MARCKSL1: variants seen among roughly 807,000 people sequenced by gnomAD.
MARCKSL1 encodes the protein MARCKS like 1, also known as MARCKS-related protein.
A neutral mutation model predicts 13.3 loss-of-function variants in MARCKSL1; 5 were observed. The observed-to-expected ratio is 0.38, with a 90% CI of 0.20 to 0.79. The LOEUF (loss-of-function observed/expected upper bound fraction) is 0.79. MARCKSL1 is among the 30% of genes least tolerant of loss of function. The pLI is 0.45. For synonymous variants in MARCKSL1, 126 were observed against 103.2 expected (o/e 1.22, Z -1.34); for missense variants, 274 against 251.6 (o/e 1.09, Z -0.60).
Position 32,334,406 on chromosome 1 carries a change from AGAG to A in MARCKSL1, c.*188_*190del. ...AAGGGACCATCTTCAACTGGCCTTA[AGAG>A]GAGAACCAGATGGCTGATGGGAGAA... On this transcript the variant is annotated 3_prime_UTR_variant, in exon 2 of 2. Coordinates refer to ENST00000329421, the MANE Select transcript of MARCKSL1 (RefSeq NM_023009.7). The A allele has an allele frequency of 1.0e-5, 6 of 574,918 alleles. No homozygotes were observed. The highest frequency in any genetic ancestry group is 1.7e-5 in the Non-Finnish European group (6 of 357,008). 35.6% of individuals were successfully genotyped at this position (574,918 alleles called of 1,614,324 possible).
At position 32,335,247 on chromosome 1, in the gene MARCKSL1, A is replaced by G; in HGVS notation, c.88-150T>C. On this transcript the variant is annotated intron_variant, in intron 1 of 1. Coordinates refer to ENST00000329421, the MANE Select transcript of MARCKSL1 (RefSeq NM_023009.7). This position sits in a 1 kb window ranked among gnomAD's most constrained non-coding sequence, Gnocchi z 4.1. Reference sequence around the variant, plus strand: ...TCACCCACACCCAGGATCCCGTCAAACACCTCCCTCTCGCCCCTCACGGGC... The same window carrying G: ...TCACCCACACCCAGGATCCCGTCAAGCACCTCCCTCTCGCCCCTCACGGGC... 1 of 904,344 alleles carries G rather than the reference A, an allele frequency of 1.1e-6. No individual in the cohort carries two copies. Among genetic ancestry groups the G allele is most frequent in the Non-Finnish European group, 1.5e-6 (1 of 674,380 alleles). 56.0% of individuals were successfully genotyped at this position (904,344 alleles called of 1,614,324 possible).
Position 32,334,457 on chromosome 1 carries a change from A to G in MARCKSL1, c.*140T>C. 1 of 1,016,216 alleles carries G rather than the reference A, an allele frequency of 9.8e-7. No homozygotes were observed. The allele number at this position is 1,016,216 out of a possible 1,614,324, so 62.9% of individuals were successfully genotyped here. On this transcript the variant is annotated 3_prime_UTR_variant, in exon 2 of 2. Coordinates refer to ENST00000329421, the MANE Select transcript of MARCKSL1 (RefSeq NM_023009.7). ...GAATCCACAGGAGGGAGAGGAGGAAAGGGAACGTGGCTGGGAGGAGGCAAT... is the reference window on the plus strand; with the variant it reads ...GAATCCACAGGAGGGAGAGGAGGAAGGGGAACGTGGCTGGGAGGAGGCAAT...
In MARCKSL1 at chr1:32,335,910, A is replaced by G. The variant is rs773218790; in HGVS notation, c.87+37T>C. On this transcript the variant is annotated intron_variant, in intron 1 of 1. Transcript: ENST00000329421. The surrounding 1 kb of genome is among the most constrained non-coding windows in gnomAD (Gnocchi z 4.1). ...GGCCCTAGAAGGGGCGAGGTGCGAGAGGAGGGGCTGGGGCCGGCCGGGCCA... is the reference window on the plus strand; with the variant it reads ...GGCCCTAGAAGGGGCGAGGTGCGAGGGGAGGGGCTGGGGCCGGCCGGGCCA... 8.2e-7 allele frequency: 1 copy of G among 1,225,516 alleles called. No homozygotes were observed. The highest frequency in any genetic ancestry group is 1.0e-6 in the Non-Finnish European group (1 of 962,566). The allele number at this position is 1,225,516 out of a possible 1,614,324, so 75.9% of individuals were successfully genotyped here.
chr1:32,333,912 GAAAAA>G lies in MARCKSL1; in HGVS notation c.*680_*684del, dbSNP rs113450741. On this transcript the variant is annotated 3_prime_UTR_variant, in exon 2 of 2. Transcript: ENST00000329421. ...TGGAAGAGAATGGTTTTAGCAGTTA[GAAAAA>G]AAAAAAAAGTACAAATCTGGGGTTT... The G allele has an allele frequency of 2.2e-5, 3 of 134,718 alleles. No individual in the cohort carries two copies. Among genetic ancestry groups the G allele is most frequent in the African/African-American group, 8.2e-5 (3 of 36,508 alleles). 8.3% of individuals were successfully genotyped at this position (134,718 alleles called of 1,614,324 possible).
Position 32,336,137 on chromosome 1 carries a change from G to C in MARCKSL1, c.-104C>G, listed in dbSNP as rs1437618451. 1 of 404,496 alleles carries C rather than the reference G, an allele frequency of 2.5e-6. No individual in the cohort carries two copies. The highest frequency in any genetic ancestry group is 4.1e-5 in the East Asian group (1 of 24,350). The allele number at this position is 404,496 out of a possible 1,614,324, so 25.1% of individuals were successfully genotyped here. On this transcript the variant is annotated 5_prime_UTR_variant, in exon 1 of 2. Transcript: ENST00000329421. ...CGGCGGAGGGGTGGGGCTGGCGCCC[G>C]AGGGGGAGGGGTGCCGGGGGAAGCC...
Position 32,334,639 on chromosome 1 carries a change from C to G in MARCKSL1, c.546G>C (p.Pro182=). ...QATEPSTPSG[P]ESGPTPASAE... is the part of the protein sequence containing the mutation. ...CGCTGGCTGGTGTAGGGCCACTCTC[C>G]GGCCCCGAGGGAGTGGATGGCTCTG... Residue 182 remains proline, a synonymous_variant, in exon 2 of 2, where the codon CCG becomes CCC. Coordinates refer to ENST00000329421, the MANE Select transcript of MARCKSL1 (RefSeq NM_023009.7). The G allele has an allele frequency of 1.3e-6, 2 of 1,596,556 alleles. No individual in the cohort carries two copies. Among genetic ancestry groups the G allele is most frequent in the South Asian group, 1.1e-5 (1 of 88,944 alleles).
Position 32,335,249 on chromosome 1 carries a change from A to C in MARCKSL1, c.88-152T>G, listed in dbSNP as rs1570049167. ...ACCCACACCCAGGATCCCGTCAAAC[A>C]CCTCCCTCTCGCCCCTCACGGGCGC... On this transcript the variant is annotated intron_variant, in intron 1 of 1. Transcript: ENST00000329421. The surrounding 1 kb of genome is among the most constrained non-coding windows in gnomAD (Gnocchi z 4.1). The C allele has an allele frequency of 1.0e-5, 9 of 881,738 alleles. No individual in the cohort carries two copies. The highest frequency in any genetic ancestry group is 4.3e-5 in the South Asian group (1 of 23,014). 54.6% of individuals were successfully genotyped at this position (881,738 alleles called of 1,614,324 possible). A position where few individuals can be genotyped will look rare whatever the true frequency, so the allele number is the denominator to read the frequency against.
chr1:32,334,894 A>C lies in MARCKSL1; in HGVS notation c.291T>G (p.Pro97=), dbSNP rs1641359144. 6.2e-7 allele frequency: 1 copy of C among 1,612,288 alleles called. No homozygotes were observed. The highest frequency in any genetic ancestry group is 1.7e-5 in the Admixed American group (1 of 59,978). ...KKKKKFSFKK[P]FKLSGLSFKR... ...TGAAGGACAGGCCGCTCAATTTGAA[A>C]GGCTTCTTGAAAGAGAATTTCTTCT... Residue 97 remains proline, a synonymous_variant, in exon 2 of 2, where the codon CCT becomes CCG. Coordinates refer to ENST00000329421, the MANE Select transcript of MARCKSL1 (RefSeq NM_023009.7).
Position 32,336,204 on chromosome 1 carries a change from C to A in MARCKSL1, c.-171G>T, listed in dbSNP as rs1348304296. ...CCGCGGCCGACCCGCTAGCTGCGCC[C>A]GCCGCCGCTCCGCTCCGCGCCAGAA... is the stretch of plus-strand genomic sequence containing the variant. On this transcript the variant is annotated 5_prime_UTR_variant, in exon 1 of 2. Transcript: ENST00000329421. 3.0e-6 allele frequency: 1 copy of A among 335,338 alleles called. No individual in the cohort carries two copies. Among genetic ancestry groups the A allele is most frequent in the Non-Finnish European group, 5.4e-6 (1 of 185,576 alleles). The allele number at this position is 335,338 out of a possible 1,614,324, so 20.8% of individuals were successfully genotyped here.
chr1:32,334,967 C>A lies in MARCKSL1; in HGVS notation c.218G>T (p.Gly73Val). 6.2e-7 allele frequency: 1 copy of A among 1,612,604 alleles called. No individual in the cohort carries two copies. The highest frequency in any genetic ancestry group is 8.5e-7 in the Non-Finnish European group (1 of 1,179,626). The change falls in exon 2 of 2, where the codon GGT becomes GTT. Residue 73 changes from glycine (G) to valine (V), a missense_variant. By Grantham distance (109) the Gly-to-Val change is moderately radical. Coordinates refer to ENST00000329421, the MANE Select transcript of MARCKSL1 (RefSeq NM_023009.7). ...DAIEPAPPSQ[G>V]AEAKGEVPPK... ...GGGGACCTCCCCCTTGGCCTCAGCACCCTGGCTAGGGGGTGCTGGCTCGAT... is the reference window on the plus strand; with the variant it reads ...GGGGACCTCCCCCTTGGCCTCAGCAACCTGGCTAGGGGGTGCTGGCTCGAT...
rs1327010218 is a variant in MARCKSL1 at position 32,335,017 on chromosome 1, C to G, written c.168G>C (p.Glu56Asp). The stretch of plus-strand genomic sequence containing the variant: ...TGGCATCGCCAGTGGCCCCGGCTGC[C>G]TCATCTGTTCCGTTCACAGGGGGCG... ...GESPPVNGTD[E>D]AAGATGDAIE... The change falls in exon 2 of 2, where the codon GAG becomes GAC. Residue 56 changes from glutamate (E) to aspartate (D), a missense_variant. By Grantham distance (45) the Glu-to-Asp change is conservative. Coordinates refer to ENST00000329421, the MANE Select transcript of MARCKSL1 (RefSeq NM_023009.7). The surrounding 1 kb of genome is among the most constrained non-coding windows in gnomAD (Gnocchi z 4.1). 6.3e-7 allele frequency: 1 copy of G among 1,593,852 alleles called. No homozygotes were observed. Among genetic ancestry groups the G allele is most frequent in the Non-Finnish European group, 8.5e-7 (1 of 1,170,752 alleles).
At position 32,335,106 on chromosome 1, in the gene MARCKSL1, C is replaced by G; in HGVS notation, c.88-9G>C. On this transcript the variant is annotated splice_polypyrimidine_tract_variant and intron_variant, in intron 1 of 1. Transcript: ENST00000329421. This position sits in a 1 kb window ranked among gnomAD's most constrained non-coding sequence, Gnocchi z 4.1. Reference sequence around the variant, plus strand: ...TTCACGTGGCCATTCTCCTGCAGGGCAGAGGGAATAGCAATGAGGGCAGGG... The same window carrying G: ...TTCACGTGGCCATTCTCCTGCAGGGGAGAGGGAATAGCAATGAGGGCAGGG... 1 of 1,519,906 alleles carries G rather than the reference C, an allele frequency of 6.6e-7. No individual in the cohort carries two copies. Among genetic ancestry groups the G allele is most frequent in the Non-Finnish European group, 8.8e-7 (1 of 1,135,748 alleles). The allele number at this position is 1,519,906 out of a possible 1,614,324, so 94.2% of individuals were successfully genotyped here.
At position 32,335,166 on chromosome 1, in the gene MARCKSL1, T is replaced by C; in HGVS notation, c.88-69A>G. On this transcript the variant is annotated intron_variant, in intron 1 of 1. Coordinates refer to ENST00000329421, the MANE Select transcript of MARCKSL1 (RefSeq NM_023009.7). This position sits in a 1 kb window ranked among gnomAD's most constrained non-coding sequence, Gnocchi z 4.1. ...CCCCCAGCCCGCTTCTGATCCCTTC[T>C]AGAGGAAGGGGTCCTCGATTCGATT... is the stretch of plus-strand genomic sequence containing the variant. The C allele has an allele frequency of 7.1e-7, 1 of 1,400,140 alleles. No individual in the cohort carries two copies. The highest frequency in any genetic ancestry group is 9.4e-7 in the Non-Finnish European group (1 of 1,064,572). 86.7% of individuals were successfully genotyped at this position (1,400,140 alleles called of 1,614,324 possible). A position where few individuals can be genotyped will look rare whatever the true frequency, so the allele number is the denominator to read the frequency against.
In MARCKSL1 at chr1:32,334,472, G is replaced by C. The variant is rs1641348894; in HGVS notation, c.*125C>G. On this transcript the variant is annotated 3_prime_UTR_variant, in exon 2 of 2. Transcript: ENST00000329421. ...AGAGGAGGAAAGGGAACGTGGCTGGGAGGAGGCAATAGCCCCTTCCTTTCT... is the reference window on the plus strand; with the variant it reads ...AGAGGAGGAAAGGGAACGTGGCTGGCAGGAGGCAATAGCCCCTTCCTTTCT... The C allele has an allele frequency of 1.7e-6, 2 of 1,179,980 alleles. No individual in the cohort carries two copies. The highest frequency in any genetic ancestry group is 2.3e-6 in the Non-Finnish European group (2 of 866,034). The allele number at this position is 1,179,980 out of a possible 1,614,324, so 73.1% of individuals were successfully genotyped here.
Position 32,335,630 on chromosome 1 carries a change from G to A in MARCKSL1, c.87+317C>T, listed in dbSNP as rs1391224054. Among the ~76,000 whole-genome samples the A allele has an allele frequency of 2.0e-5, 3 of 151,660 alleles. No individual in the cohort carries two copies. The highest frequency in any genetic ancestry group is 3.9e-4 in the East Asian group (2 of 5,156). ...GCTCCCCGCCGGGCCCCAGCTCCGC[G>A]GCCCCTGGGCGCCCCCTTGGCGTGG... On this transcript the variant is annotated intron_variant, in intron 1 of 1. Transcript: ENST00000329421. The surrounding 1 kb of genome is among the most constrained non-coding windows in gnomAD (Gnocchi z 4.1).
At position 32,334,639 on chromosome 1, in the gene MARCKSL1, C is replaced by A; in HGVS notation, c.546G>T (p.Pro182=). The part of the protein sequence containing the change: ...QATEPSTPSG[P]ESGPTPASAE... ...CGCTGGCTGGTGTAGGGCCACTCTC[C>A]GGCCCCGAGGGAGTGGATGGCTCTG... Residue 182 remains proline (P), a synonymous_variant, in exon 2 of 2, where the codon CCG becomes CCT. Coordinates refer to ENST00000329421, the MANE Select transcript of MARCKSL1 (RefSeq NM_023009.7). 6.3e-7 allele frequency: 1 copy of A among 1,596,554 alleles called. No individual in the cohort carries two copies.
In MARCKSL1 at chr1:32,334,869, T is replaced by G; in HGVS notation, c.316A>C (p.Lys106Gln). The stretch of plus-strand genomic sequence containing the variant: ...CCCCCACCCTCCTTCCGATTTCTCT[T>G]GAAGGACAGGCCGCTCAATTTGAAA... ...KPFKLSGLSF[K>Q]RNRKEGGGDS... The change falls in exon 2 of 2, where the codon AAG (lysine) becomes CAG (glutamine). Residue 106 changes from lysine (K) to glutamine (Q), a missense_variant. Physicochemically the swap from Lys to Gln is moderately conservative, Grantham distance 53 (BLOSUM62 1). Transcript: ENST00000329421. The G allele has an allele frequency of 6.2e-7, 1 of 1,612,620 alleles. No individual in the cohort carries two copies. Among genetic ancestry groups the G allele is most frequent in the Non-Finnish European group, 8.5e-7 (1 of 1,179,968 alleles).
In MARCKSL1 at chr1:32,334,526, G is replaced by A. The variant is rs1641350090; in HGVS notation, c.*71C>T. ...CACAGGAAGGCAGCCAGGGCACCAGGTCCAGGCAGTGACCTCACAAGGACA... is the reference window on the plus strand; with the variant it reads ...CACAGGAAGGCAGCCAGGGCACCAGATCCAGGCAGTGACCTCACAAGGACA... On this transcript the variant is annotated 3_prime_UTR_variant, in exon 2 of 2. Transcript: ENST00000329421. 2.0e-6 allele frequency: 3 copies of A among 1,472,618 alleles called. No individual in the cohort carries two copies. The South Asian group carries it at 4.4e-5, about 21-fold the overall frequency. The allele number at this position is 1,472,618 out of a possible 1,614,324, so 91.2% of individuals were successfully genotyped here.
At position 32,335,117 on chromosome 1, in the gene MARCKSL1, G is replaced by A. The variant is rs746705068; in HGVS notation, c.88-20C>T. ...ATTCTCCTGCAGGGCAGAGGGAATAGCAATGAGGGCAGGGGCTCCCCCTCC... is the reference window on the plus strand; with the variant it reads ...ATTCTCCTGCAGGGCAGAGGGAATAACAATGAGGGCAGGGGCTCCCCCTCC... On this transcript the variant is annotated intron_variant, in intron 1 of 1. Transcript: ENST00000329421. This position sits in a 1 kb window ranked among gnomAD's most constrained non-coding sequence, Gnocchi z 4.1. 3 of 1,514,074 alleles carry A rather than the reference G, an allele frequency of 2.0e-6. No individual in the cohort carries two copies. Among genetic ancestry groups the A allele is most frequent in the Admixed American group, 4.5e-5 (2 of 44,028 alleles). 93.8% of individuals were successfully genotyped at this position (1,514,074 alleles called of 1,614,324 possible). A position where few individuals can be genotyped will look rare whatever the true frequency, so the allele number is the denominator to read the frequency against.
Sources: allele counts gnomAD v4.1 joint callset (sites outside exome capture counted in the v4.1 genomes callset), GRCh38; gene constraint gnomAD v4.1.1; non-coding constraint Gnocchi (gnomAD v3.1); transcripts MANE v1.5; gene names NCBI Gene and HGNC (gene_info 2026-07-23, HGNC 2026-07-21).